LRRC4C: variants seen among roughly 807,000 people sequenced by gnomAD.
LRRC4C encodes leucine rich repeat containing 4C.
LRRC4C carries 5 observed loss-of-function variants against 33.6 expected under a neutral mutation model. The ratio of observed to expected loss-of-function variants is 0.15; its 90% CI spans 0.08 to 0.31. The LOEUF is 0.31. Among genes scored for constraint, LRRC4C ranks in the 10% least tolerant of loss-of-function variants. LRRC4C has a pLI of 1.00. For synonymous variants in LRRC4C, 329 were observed against 302.0 expected (o/e 1.09, Z -0.93); for missense variants, 560 against 796.7 (o/e 0.70, Z 3.58).
At chr11:41,358,763 C>G (rs1025004197) in intron 1 of LRRC4C, among the ~76,000 whole-genome samples, 2 of 152,118 alleles carry the variant, frequency 1.3e-5, no homozygotes, top group Admixed American at 6.6e-5. Context: ...GCAACAGGAA[C>G]TCTCATTAAT....
rs183353261 is a variant in LRRC4C, at chr11:40,483,894, C to G, written c.-269-164173G>C. 5.4e-4 allele frequency among the ~76,000 whole-genome samples: 82 copies of G among 151,344 alleles called. 1 individual carries two copies. In the East Asian group the frequency reaches 0.015, roughly 27 times the overall value. On this transcript the variant is annotated intron_variant, in intron 3 of 6. Transcript: ENST00000528697. Reference sequence around the variant, plus strand: ...AGAACTGATATTTAAAACAATAATCCAAAAAGCATTTCCAGAAAACAAAAA... The same window carrying G: ...AGAACTGATATTTAAAACAATAATCGAAAAAGCATTTCCAGAAAACAAAAA...
At chr11:41,227,573 C>T (rs1252424603) in intron 1 of LRRC4C, among the ~76,000 whole-genome samples, 1 of 152,084 alleles carries the variant, frequency 6.6e-6, no homozygotes, top group East Asian at 1.9e-4. Context: ...AATCATGGCT[C>T]ACTGCAGCCT....
At chr11:41,193,473 G>A (rs1586427) in intron 1 of LRRC4C, among the ~76,000 whole-genome samples, 142,270 of 152,150 alleles carry the variant, frequency 0.94, 66,847 homozygotes, top group East Asian at 1. Context: ...TGATGCCATC[G>A]TTGTTATAGA....
chr11:40,427,204 TA>T (rs545522072), intron 3 of LRRC4C, among the ~76,000 whole-genome samples: 5 of 152,098 alleles, frequency 3.3e-5, no homozygotes, highest in African/African-American at 7.2e-5. Context: ...ACTTCACCTT[TA>T]AAAAAATTAA....
chr11:40,176,539 C>CTTTT (rs529167473), intron 5 of LRRC4C, among the ~76,000 whole-genome samples: 2 of 138,908 alleles, frequency 1.4e-5, no homozygotes, highest in African/African-American at 5.3e-5. Context: ...TTTTTCCACT[C>CTTTT]TTTTTTTTTT....
chr11:41,226,741 T>TACACACACACACACACACACACACACAC (rs59285418), intron 1 of LRRC4C, among the ~76,000 whole-genome samples: 1 of 137,082 alleles, frequency 7.3e-6, no homozygotes, highest in East Asian at 2.2e-4. Context: ...TCCTTACCAT[T>TACACACACACACACACACACACACACAC]ACACACACAC....
chr11:40,701,192 T>C (rs1367277122), intron 2 of LRRC4C, among the ~76,000 whole-genome samples: 1 of 152,164 alleles, frequency 6.6e-6, no homozygotes, highest in Non-Finnish European at 1.5e-5. Context: ...ACTCTCCCAG[T>C]GCTAAGAAGC....
At chr11:40,689,116 A>G (rs1333846291) in intron 2 of LRRC4C, among the ~76,000 whole-genome samples, 2 of 152,110 alleles carry the variant, frequency 1.3e-5, no homozygotes, top group East Asian at 1.9e-4. Flanking sequence ...AGTAGAGATT[A>G]CAATATCTTC....
At chr11:40,310,244 T>TAGA (rs1269633327) in intron 4 of LRRC4C, among the ~76,000 whole-genome samples, 1 of 152,204 alleles carries the variant, frequency 6.6e-6, no homozygotes, top group Non-Finnish European at 1.5e-5. Flanking sequence ...AACAGTGTGC[T>TAGA]AGAGGCATTT....
intron 1 of LRRC4C, among the ~76,000 whole-genome samples, chr11:40,990,072 G>A (rs1013080573): frequency 1.3e-5 from 2 of 150,778 alleles, no homozygotes; most frequent in African/African-American, 4.9e-5. Context: ...TATCTGCAGG[G>A]TAAGAGGGTC....
chr11:40,943,152 A>G (rs1565225868), intron 1 of LRRC4C, among the ~76,000 whole-genome samples: 1 of 152,204 alleles, frequency 6.6e-6, no homozygotes, highest in East Asian at 1.9e-4. Context: ...ATATGTGTGA[A>G]GACTTAACTT....
chr11:40,177,930 G>A (rs1366523500), intron 5 of LRRC4C, among the ~76,000 whole-genome samples: 1 of 152,100 alleles, frequency 6.6e-6, no homozygotes, highest in Non-Finnish European at 1.5e-5. Context: ...ATTGCATTGA[G>A]TGGCATCAAT....
At chr11:40,471,783 G>A (rs1311839352) in intron 3 of LRRC4C, among the ~76,000 whole-genome samples, 1 of 151,848 alleles carries the variant, frequency 6.6e-6, no homozygotes, top group East Asian at 1.9e-4. Context: ...AGGATATTTA[G>A]GACTTGAACT....
intron 5 of LRRC4C, among the ~76,000 whole-genome samples, chr11:40,158,290 A>C (rs1217163584): frequency 1.3e-5 from 2 of 152,106 alleles, no homozygotes; most frequent in Non-Finnish European, 2.9e-5. Flanking sequence ...GATGAAGGAT[A>C]AAAGACTACA....
At chr11:40,353,388 T>G (rs1004837987) in intron 3 of LRRC4C, among the ~76,000 whole-genome samples, 1 of 152,164 alleles carries the variant, frequency 6.6e-6, no homozygotes, top group Non-Finnish European at 1.5e-5. Context: ...TTTTACTATA[T>G]AATTTTTCAG....
At chr11:41,270,848 T>G (rs1405510542) in intron 1 of LRRC4C, among the ~76,000 whole-genome samples, 2 of 152,116 alleles carry the variant, frequency 1.3e-5, no homozygotes, top group Non-Finnish European at 2.9e-5. Flanking sequence ...ATCACGAGGT[T>G]GGCAGGTTTG....
intron 2 of LRRC4C, among the ~76,000 whole-genome samples, chr11:40,701,524 G>T (rs1286201595): frequency 1.3e-5 from 2 of 151,528 alleles, no homozygotes; most frequent in Non-Finnish European, 2.9e-5. Context: ...TGGCAAACGT[G>T]TGGGCATTTC....
chr11:40,957,257 T>C (rs1429212460), intron 1 of LRRC4C, among the ~76,000 whole-genome samples: 2 of 151,650 alleles, frequency 1.3e-5, no homozygotes, highest in East Asian at 3.9e-4. Context: ...GACTATAAAA[T>C]AAGGTGCAAG....
chr11:40,357,423 A>G (rs146204468), intron 3 of LRRC4C, among the ~76,000 whole-genome samples: 1 of 152,186 alleles, frequency 6.6e-6, no homozygotes, highest in Non-Finnish European at 1.5e-5. Flanking sequence ...ATTGGAGAAA[A>G]AAGAATTAAT....
Sources: gnomAD v4.1 joint callset for allele counts (sites outside exome capture counted in the v4.1 genomes callset) on GRCh38, gnomAD v4.1.1 for gene constraint, MANE v1.5 for transcripts, NCBI Gene and HGNC (gene_info 2026-07-23, HGNC 2026-07-21) for gene names.